The following KHDRBS2 variants were observed in gnomAD, a reference collection of about 807,000 sequenced individuals.
The protein encoded by KHDRBS2 is KH RNA binding domain containing, signal transduction associated 2.
KHDRBS2 carries 26 observed loss-of-function variants against 44.3 expected under a neutral mutation model. The ratio of observed to expected loss-of-function variants is 0.59; its 90% CI spans 0.43 to 0.81. KHDRBS2 has a LOEUF of 0.81. KHDRBS2 is among the 40% of genes least tolerant of loss of function. The pLI is 0.00. For synonymous variants in KHDRBS2, 194 were observed against 151.1 expected, an observed-to-expected ratio of 1.28 and a Z score of -2.08; for missense variants, 476 against 433.1, an observed-to-expected ratio of 1.10 and a Z score of -0.88.
chr6:62,178,349 A>G (rs1398426199), intron 1 of KHDRBS2, among the ~76,000 whole-genome samples: 1 of 151,626 alleles, frequency 6.6e-6, no homozygotes, highest in African/African-American at 2.4e-5. Context: ...TGAATGTGGA[A>G]AAAAGGCTTG....
chr6:62,105,411 G>C (rs1286692935), intron 2 of KHDRBS2, among the ~76,000 whole-genome samples: 4 of 152,234 alleles, frequency 2.6e-5, no homozygotes, highest in Admixed American at 1.3e-4. Flanking sequence ...TGGTCCTGGA[G>C]TCTTTTTGGT....
the KHDRBS2 span, among the ~76,000 whole-genome samples, chr6:61,618,433 A>G: frequency 6.6e-6 from 1 of 152,180 alleles, no homozygotes; most frequent in Non-Finnish European, 1.5e-5. Context: ...TTAGACAATT[A>G]CTAGCCTTTA....
rs1562522230 is a variant in KHDRBS2 at position 61,955,684 on chromosome 6, GTATACATATATGTGTATATATACACA to G, written c.483+22356_483+22381del. ...TATGTGTATATGTACACATATGTAT[GTATACATATATGTGTATATATACACA>G]TATGTATGTATACATATATAGACAG... On this transcript the variant is annotated intron_variant, in intron 4 of 8. Coordinates refer to ENST00000281156, the MANE Select transcript of KHDRBS2 (RefSeq NM_152688.4). Among the ~76,000 whole-genome samples, 150 of 123,716 alleles carry G rather than the reference GTATACATATATGTGTATATATACACA, an allele frequency of 1.2e-3. 3 individuals are homozygous for G. Among genetic ancestry groups the G allele is most frequent in the African/African-American group, 4.9e-3 (139 of 28,582 alleles). 81.2% of individuals were successfully genotyped at this position (123,716 alleles called of 152,430 possible).
intron 7 of KHDRBS2, among the ~76,000 whole-genome samples, chr6:61,723,484 T>C (rs886476177): frequency 2.6e-5 from 4 of 151,740 alleles, no homozygotes; most frequent in African/African-American, 9.7e-5. Flanking sequence ...AAGCTAAGAA[T>C]TATAATAAAA....
intron 4 of KHDRBS2, among the ~76,000 whole-genome samples, chr6:61,951,470 G>A (rs1764725973): frequency 6.6e-6 from 1 of 151,956 alleles, no homozygotes; most frequent in Non-Finnish European, 1.5e-5. Flanking sequence ...AGAAATTCTA[G>A]TATCATTGCT....
chr6:62,278,892 A>G (rs1841386867), intron 1 of KHDRBS2, among the ~76,000 whole-genome samples: 1 of 152,030 alleles, frequency 6.6e-6, no homozygotes, highest in South Asian at 2.1e-4. Flanking sequence ...CAGGAGATTG[A>G]GACCATCCTG....
intron 6 of KHDRBS2, among the ~76,000 whole-genome samples, chr6:61,796,273 A>G (rs940265937): frequency 2.0e-5 from 3 of 152,026 alleles, no homozygotes; most frequent in Admixed American, 1.3e-4. Flanking sequence ...CAATGTAAAT[A>G]ATTGGGAGTT....
At chr6:61,676,551 C>G (rs1001943241), downstream of KHDRBS2, among the ~76,000 whole-genome samples, 2 of 151,878 alleles carry the variant, frequency 1.3e-5, no homozygotes, top group African/African-American at 4.8e-5. Context: ...CTGGCCAGCA[C>G]TGGTCTATGT....
At chr6:61,612,406 T>G in the KHDRBS2 span, among the ~76,000 whole-genome samples, 1 of 152,174 alleles carries the variant, frequency 6.6e-6, no homozygotes, top group Non-Finnish European at 1.5e-5. Flanking sequence ...AATATAGACC[T>G]TATGGTCATT....
Position 61,954,778 on chromosome 6 carries a change from G to GTGTATATACACA in KHDRBS2, c.483+23276_483+23287dup, listed in dbSNP as rs1198563595. ...TGCATATGTATGTATACATACATAT[G>GTGTATATACACA]TGTATATACACATGCATATGTATGT... On this transcript the variant is annotated intron_variant, in intron 4 of 8. Coordinates refer to ENST00000281156, the MANE Select transcript of KHDRBS2 (RefSeq NM_152688.4). Among the ~76,000 whole-genome samples the GTGTATATACACA allele has an allele frequency of 3.8e-5, 4 of 104,652 alleles. 1 individual carries two copies. The highest frequency in any genetic ancestry group is 1.5e-4 in the African/African-American group (4 of 26,660). The allele number at this position is 104,652 out of a possible 152,430, so 68.7% of individuals were successfully genotyped here. A position where few individuals can be genotyped will look rare whatever the true frequency, so the allele number is the denominator to read the frequency against.
intron 3 of KHDRBS2, 31 bp downstream of exon 3, chr6:62,047,847 T>C (rs767779748): frequency 2.9e-6 from 4 of 1,387,348 alleles, no homozygotes; most frequent in African/African-American, 2.8e-5. Context: ...ACCTCCTGAA[T>C]GTGGTAAATA....
intron 4 of KHDRBS2, among the ~76,000 whole-genome samples, chr6:61,949,488 C>T (rs927531976): frequency 1.6e-4 from 25 of 152,218 alleles, no homozygotes; most frequent in African/African-American, 6.0e-4. Flanking sequence ...TATGGTTTTA[C>T]ATATATGCTA....
At chr6:62,032,642 C>T (rs912159329) in intron 3 of KHDRBS2, among the ~76,000 whole-genome samples, 3 of 151,672 alleles carry the variant, frequency 2.0e-5, no homozygotes, top group African/African-American at 7.3e-5. Flanking sequence ...TCTGCAAGAA[C>T]CACAGTATTA....
intron 4 of KHDRBS2, among the ~76,000 whole-genome samples, chr6:61,923,777 C>A (rs1808478720): frequency 6.6e-6 from 1 of 152,052 alleles, no homozygotes; most frequent in South Asian, 2.1e-4. Flanking sequence ...TCTGCTCTCA[C>A]CACTTCTAGT....
chr6:61,752,671 C>CAAAAAAAAAA (rs56410130), intron 6 of KHDRBS2, among the ~76,000 whole-genome samples: 3 of 111,310 alleles, frequency 2.7e-5, no homozygotes, highest in African/African-American at 6.5e-5. Context: ...TTGTGGTATA[C>CAAAAAAAAAA]AAAAAAAAAA....
the KHDRBS2 span, among the ~76,000 whole-genome samples, chr6:61,558,482 A>G: frequency 2.0e-3 from 303 of 152,248 alleles, no homozygotes; most frequent in African/African-American, 6.7e-3. Flanking sequence ...GGATAGCTTG[A>G]GCCCAGGATG....
chr6:61,779,344 G>A (rs1234000379), intron 6 of KHDRBS2, among the ~76,000 whole-genome samples: 1 of 152,038 alleles, frequency 6.6e-6, no homozygotes, highest in African/African-American at 2.4e-5. Flanking sequence ...GGATATAATA[G>A]TGAAAGACAG....
intron 3 of KHDRBS2, among the ~76,000 whole-genome samples, chr6:62,003,648 G>C (rs952854624): frequency 2.3e-4 from 35 of 152,214 alleles, no homozygotes; most frequent in Admixed American, 1.2e-3. Context: ...CTTGAACTCA[G>C]CTCTGCACCA....
At chr6:62,043,944 T>A (rs564426342) in intron 3 of KHDRBS2, among the ~76,000 whole-genome samples, 131 of 152,120 alleles carry the variant, frequency 8.6e-4, no homozygotes, top group African/African-American at 1.4e-3. Context: ...TAATTTTTTT[T>A]AAAAAAATGT....
Sources: allele counts gnomAD v4.1 joint callset (sites outside exome capture counted in the v4.1 genomes callset), GRCh38; gene constraint gnomAD v4.1.1; transcripts MANE v1.5; gene names NCBI Gene and HGNC (gene_info 2026-07-23, HGNC 2026-07-21).